UNC79: variants seen among roughly 807,000 people sequenced by gnomAD.
UNC79 encodes the protein protein unc-79 homolog.
Under a neutral mutation model 283.1 loss-of-function variants are expected in UNC79, and 37 were observed. That is an observed-to-expected ratio of 0.13 (90% CI 0.10 to 0.17). The LOEUF is 0.17. Among genes scored for constraint, UNC79 ranks in the 10% least tolerant of loss-of-function variants. The pLI is 1.00. For synonymous variants in UNC79, 1,107 were observed against 1,200.2 expected, an observed-to-expected ratio of 0.92 and a Z score of 1.61; for missense variants, 2,272 against 3,211.1, an observed-to-expected ratio of 0.71 and a Z score of 7.07.
intron 30 of UNC79, among the ~76,000 whole-genome samples, chr14:93,629,257 A>G (rs1037964328): frequency 9.9e-5 from 15 of 152,168 alleles, no homozygotes; most frequent in Non-Finnish European, 4.4e-5. Context: ...AGGCTTAATA[A>G]TCTTTCAGAG....
intron 41 of UNC79, 32 bp from the exon 45 acceptor site, chr14:93,682,585 T>G: frequency 6.3e-7 from 1 of 1,584,824 alleles, no homozygotes; most frequent in South Asian, 1.1e-5. Context: ...CAGATACCCT[T>G]AAAAATAATT....
intron 22 of UNC79, 140 bp from the exon 23 acceptor site, chr14:93,593,540 C>G: frequency 1.1e-6 from 1 of 934,678 alleles, no homozygotes; most frequent in Non-Finnish European, 1.6e-6. Context: ...GGATTATCCT[C>G]TCGTGGATGA....
intron 4 of UNC79, among the ~76,000 whole-genome samples, chr14:93,485,175 AAT>A (rs1282931724): frequency 6.7e-6 from 1 of 150,220 alleles, no homozygotes; most frequent in Admixed American, 6.7e-5. Context: ...CCAAAACAAG[AAT>A]ATATATATGT....
chr14:93,505,244 A>G (rs2059472792), intron 7 of UNC79, among the ~76,000 whole-genome samples: 1 of 152,066 alleles, frequency 6.6e-6, no homozygotes, highest in Admixed American at 6.6e-5. Context: ...TCTGTTACCA[A>G]GAGCAGGGTG....
intron 1 of UNC79, among the ~76,000 whole-genome samples, chr14:93,433,152 GT>G (rs1378456170): frequency 1.3e-5 from 2 of 152,174 alleles, no homozygotes; most frequent in East Asian, 3.8e-4. Flanking sequence ...TAACTTAATA[GT>G]TTTGTGCCTC....
intron 15 of UNC79, among the ~76,000 whole-genome samples, chr14:93,572,453 C>G (rs1354766270): frequency 1.8e-4 from 28 of 152,220 alleles, no homozygotes; most frequent in Non-Finnish European, 2.9e-5. Context: ...TTCTGTTAAA[C>G]CTAATATGAG....
chr14:93,509,353 A>T (rs547142079), intron 7 of UNC79, among the ~76,000 whole-genome samples: 1 of 152,232 alleles, frequency 6.6e-6, no homozygotes, highest in East Asian at 1.9e-4. Context: ...AAACACAATC[A>T]TGCCTTCCCA....
chr14:93,647,545 C>G (rs2069750798), intron 35 of UNC79, among the ~76,000 whole-genome samples: 1 of 152,246 alleles, frequency 6.6e-6, no homozygotes, highest in South Asian at 2.1e-4. Flanking sequence ...AATACAAAGT[C>G]TCTAAGTCAG....
chr14:93,565,144 C>T (rs761118968), intron 14 of UNC79, among the ~76,000 whole-genome samples: 4 of 152,166 alleles, frequency 2.6e-5, no homozygotes, highest in Admixed American at 1.3e-4. Flanking sequence ...TCCCCTAGTG[C>T]GCAAGTCCCT....
At chr14:93,465,455 G>C (rs2057135859) in intron 1 of UNC79, among the ~76,000 whole-genome samples, 2 of 152,094 alleles carry the variant, frequency 1.3e-5, no homozygotes, top group South Asian at 4.1e-4. Flanking sequence ...AAAACAAGCA[G>C]GTAAGTACAC....
chr14:93,478,297 G>T (rs571603359), intron 4 of UNC79, among the ~76,000 whole-genome samples: 1 of 152,248 alleles, frequency 6.6e-6, no homozygotes, highest in Admixed American at 6.5e-5. Context: ...CAAGTCATGT[G>T]CAATGTATGA....
chr14:93,580,271 C>A, exon 19 of UNC79: 1 of 1,614,144 alleles, frequency 6.2e-7, no homozygotes, highest in Non-Finnish European at 8.5e-7. Context: ...GCCAGAAGGA[C>A]GAAAAAGCAA....
intron 7 of UNC79, among the ~76,000 whole-genome samples, chr14:93,520,531 G>A (rs1355821842): frequency 1.3e-5 from 2 of 151,758 alleles, no homozygotes; most frequent in East Asian, 1.9e-4. Flanking sequence ...TGTACTTGGA[G>A]CAATCATAAA....
At chr14:93,345,138 C>G (rs569610137) in intron 1 of UNC79, among the ~76,000 whole-genome samples, 1 of 152,264 alleles carries the variant, frequency 6.6e-6, no homozygotes, top group South Asian at 2.1e-4. Context: ...CTTGTTGCTT[C>G]CATCATACGA....
intron 35 of UNC79, among the ~76,000 whole-genome samples, chr14:93,648,171 A>G (rs994043635): frequency 1.3e-5 from 2 of 152,238 alleles, no homozygotes; most frequent in Non-Finnish European, 1.5e-5. Context: ...CAGATGAATG[A>G]GCTCTGAAGA....
chr14:93,599,780 A>G (rs1398874706), intron 24 of UNC79, among the ~76,000 whole-genome samples: 1 of 152,252 alleles, frequency 6.6e-6, no homozygotes, highest in African/African-American at 2.4e-5. Context: ...ACATTCCAAG[A>G]AAACCAGGTG....
At chr14:93,415,296 G>A (rs1309612677) in intron 1 of UNC79, among the ~76,000 whole-genome samples, 1 of 152,140 alleles carries the variant, frequency 6.6e-6, no homozygotes, top group Non-Finnish European at 1.5e-5. Flanking sequence ...TTTGTCTTTG[G>A]TTCTGTTTAT....
At chr14:93,649,775 ATTG>A (rs1197242708) in intron 35 of UNC79, among the ~76,000 whole-genome samples, 2 of 152,202 alleles carry the variant, frequency 1.3e-5, no homozygotes, top group East Asian at 3.8e-4. Flanking sequence ...TATACGATAC[ATTG>A]TTGTTAACTA....
chr14:93,583,267 G>A (rs1045195394), intron 20 of UNC79, among the ~76,000 whole-genome samples: 47 of 151,000 alleles, frequency 3.1e-4, no homozygotes, highest in African/African-American at 1.0e-3. Flanking sequence ...GTGGTGAGCC[G>A]AGATCGCACC....
Sources: gnomAD v4.1 joint callset for allele counts (sites outside exome capture counted in the v4.1 genomes callset) on GRCh38, gnomAD v4.1.1 for gene constraint, MANE v1.5 for transcripts, NCBI Gene and HGNC (gene_info 2026-07-23, HGNC 2026-07-21) for gene names.